Variants in PPIL2 observed in about 807,000 individuals in gnomAD.
PPIL2 encodes the protein RING-type E3 ubiquitin-protein ligase PPIL2.
PPIL2 carries 50 observed loss-of-function variants against 75.2 expected under a neutral mutation model. The ratio of observed to expected loss-of-function variants is 0.66; its 90% CI spans 0.53 to 0.84. PPIL2 has a LOEUF of 0.84. Among genes scored for constraint, PPIL2 ranks in the 40% least tolerant of loss-of-function variants. PPIL2 has a pLI of 0.00. For synonymous variants in PPIL2, 245 were observed against 258.8 expected, an observed-to-expected ratio of 0.95 and a Z score of 0.51; for missense variants, 590 against 685.0, an observed-to-expected ratio of 0.86 and a Z score of 1.55.
Position 21,669,910 on chromosome 22 carries a change from C to A in PPIL2, c.33-3C>A. ...GGTAGCATTATCTTCCTCTCTTCTT[C>A]AGGTACATTACCTGTGCTGAATACA... is the stretch of plus-strand genomic sequence containing the variant. On this transcript the variant is annotated splice_polypyrimidine_tract_variant and splice_region_variant and intron_variant, in intron 1 of 19. Transcript: ENST00000398831. 6.2e-7 allele frequency: 1 copy of A among 1,613,546 alleles called. No homozygotes were observed. Among genetic ancestry groups the A allele is most frequent in the Non-Finnish European group, 8.5e-7 (1 of 1,179,424 alleles).
At chr22:21,676,309 TTGTGTGTG>T (rs61112126) in intron 6 of PPIL2, among the ~76,000 whole-genome samples, 8 of 123,064 alleles carry the variant, frequency 6.5e-5, no homozygotes, top group East Asian at 4.3e-4. Context: ...TTTATTTATT[TTGTGTGTG>T]TGTGTGTGTG....
intron 1 of PPIL2, among the ~76,000 whole-genome samples, chr22:21,666,478 G>A (rs2066385869): frequency 6.6e-6 from 1 of 152,114 alleles, no homozygotes; most frequent in Admixed American, 6.5e-5. Context: ...TCTGGTTCAT[G>A]CCTATCAGCC....
chr22:21,684,568 T>TGGAC (rs1444271300), intron 9 of PPIL2, among the ~76,000 whole-genome samples, 185 bp from the exon 10 acceptor site: 8 of 151,732 alleles, frequency 5.3e-5, no homozygotes, highest in Non-Finnish European at 1.2e-4. Flanking sequence ...CCTGAGACCC[T>TGGAC]TGTGAACTGC....
rs533965549 is a variant in PPIL2, at chr22:21,692,311, C to T, written c.1140-1505C>T. Among the ~76,000 whole-genome samples the T allele has an allele frequency of 9.9e-5, 15 of 151,934 alleles. 1 individual carries two copies. In the East Asian group the frequency reaches 2.2e-3, roughly 22 times the overall value. On this transcript the variant is annotated intron_variant, in intron 15 of 19. Transcript: ENST00000398831. ...GCTGGGACTACAGGCGCCCGCCACA[C>T]GCCTGGCTAATTTTTTGTATTTTTA... is the stretch of plus-strand genomic sequence containing the variant.
intron 10 of PPIL2, chr22:21,685,521 A>C (rs1028701444): frequency 2.7e-6 from 1 of 371,474 alleles, no homozygotes; most frequent in Admixed American, 3.6e-5. Context: ...CTTCTTAAAG[A>C]ATTATTCAAA....
intron 5 of PPIL2, among the ~76,000 whole-genome samples, chr22:21,672,689 G>C (rs1457829202): frequency 9.2e-5 from 14 of 152,204 alleles, no homozygotes; most frequent in Admixed American, 9.2e-4. Flanking sequence ...ACATTCACAG[G>C]TTCCCAGTGA....
chr22:21,687,620 C>T, intron 12 of PPIL2, 23 bp from the exon 13 acceptor site: 1 of 948,170 alleles, frequency 1.1e-6, no homozygotes, highest in Non-Finnish European at 1.6e-6. Flanking sequence ...CTGCTTCATA[C>T]AAGTATTGGG....
intron 1 of PPIL2, among the ~76,000 whole-genome samples, chr22:21,667,367 G>C (rs1447167166): frequency 6.6e-6 from 1 of 151,928 alleles, no homozygotes; most frequent in Non-Finnish European, 1.5e-5. Flanking sequence ...TGTTGGTCAG[G>C]CTGGTCTCGA....
At chr22:21,682,051 C>A (rs764760830) in intron 7 of PPIL2, among the ~76,000 whole-genome samples, 1 of 152,236 alleles carries the variant, frequency 6.6e-6, no homozygotes, top group Non-Finnish European at 1.5e-5. Flanking sequence ...TCTGCTAGAC[C>A]GCACCGCAGG....
intron 12 of PPIL2, among the ~76,000 whole-genome samples, 163 bp downstream of exon 12, chr22:21,687,161 G>A (rs2067401682): frequency 6.6e-6 from 1 of 152,178 alleles, no homozygotes. Context: ...TTCCTAGGGG[G>A]CCGCGTTGGC....
chr22:21,684,391 G>C (rs1261102444), intron 9 of PPIL2, among the ~76,000 whole-genome samples: 2 of 137,956 alleles, frequency 1.4e-5, no homozygotes, highest in African/African-American at 2.8e-5. Context: ...GGCAGAACTT[G>C]CAGTGAGCCG....
At chr22:21,674,934 C>A in intron 5 of PPIL2, 130 bp from the exon 6 acceptor site, 1 of 790,058 alleles carries the variant, frequency 1.3e-6, no homozygotes, top group South Asian at 1.7e-5. Context: ...GGTCTTGGGG[C>A]CTTCCCTTTT....
Position 21,695,034 on chromosome 22 carries a change from G to T in PPIL2, c.1430G>T (p.Arg477Leu). Residue 477 changes from arginine to leucine, a missense_variant, in exon 19 of 20, where the codon CGC (arginine) becomes CTC (leucine). Transcript: ENST00000398831. ...QAGSQGPQTF[R>L]QGVGKYINPA... is the part of the protein sequence containing the mutation. The stretch of plus-strand genomic sequence containing the variant: ...GGGAGCCAGGGCCCCCAGACCTTCC[G>T]CCAGGGCGTGGGCAAGTACATCAAC... 6.2e-7 allele frequency: 1 copy of T among 1,611,850 alleles called. No individual in the cohort carries two copies. The highest frequency in any genetic ancestry group is 1.7e-5 in the Admixed American group (1 of 59,974).
chr22:21,695,644 A>T lies in PPIL2; in HGVS notation c.*154A>T. ...CCCCTTTCCTGGCCCCTGGGAGCCC[A>T]CAGCCTTCCCATCCCTTAACCTGTT... is the stretch of plus-strand genomic sequence containing the variant. On this transcript the variant is annotated 3_prime_UTR_variant, in exon 20 of 20. Coordinates refer to ENST00000398831, the MANE Select transcript of PPIL2 (RefSeq NM_014337.4). 1 of 1,457,492 alleles carries T rather than the reference A, an allele frequency of 6.9e-7. No individual in the cohort carries two copies. 90.3% of individuals were successfully genotyped at this position (1,457,492 alleles called of 1,614,324 possible).
Position 21,696,850 on chromosome 22 carries a change from T to C in PPIL2, c.*1360T>C. 1 of 1,577,164 alleles carries C rather than the reference T, an allele frequency of 6.3e-7. No homozygotes were observed. The highest frequency in any genetic ancestry group is 1.3e-5 in the African/African-American group (1 of 74,094). ...TCCCTGGATGCTGGGTGGCGCCTCATCTGCATCTCTGCCTCACCCCATCCA... is the reference window on the plus strand; with the variant it reads ...TCCCTGGATGCTGGGTGGCGCCTCACCTGCATCTCTGCCTCACCCCATCCA... On this transcript the variant is annotated 3_prime_UTR_variant, in exon 20 of 20. Transcript: ENST00000398831.
intron 15 of PPIL2, among the ~76,000 whole-genome samples, chr22:21,692,203 T>C (rs994718066): frequency 6.6e-6 from 1 of 151,778 alleles, no homozygotes; most frequent in African/African-American, 2.4e-5. Flanking sequence ...TCCCCCAGGC[T>C]GGAGTGCAGC....
At chr22:21,670,068 A>G (rs2066572369) in intron 2 of PPIL2, 106 bp downstream of exon 2, 1 of 1,203,294 alleles carries the variant, frequency 8.3e-7, no homozygotes, top group South Asian at 1.2e-5. Context: ...CACGGAAACT[A>G]TGGTAGACGA....
intron 4 of PPIL2, 62 bp from the exon 5 acceptor site, chr22:21,672,268 G>A (rs1365547497): frequency 1.4e-6 from 2 of 1,443,578 alleles, no homozygotes; most frequent in Non-Finnish European, 1.9e-6. Context: ...CAAGACCACA[G>A]TGTTGTTACC....
intron 7 of PPIL2, among the ~76,000 whole-genome samples, chr22:21,682,057 G>A (rs7364213): frequency 0.066 from 10,120 of 152,324 alleles, 1,116 homozygotes; most frequent in African/African-American, 0.23. Flanking sequence ...AGACCGCACC[G>A]CAGGAGTGCA....
Sources: gnomAD v4.1 joint callset for allele counts (sites outside exome capture counted in the v4.1 genomes callset) on GRCh38, gnomAD v4.1.1 for gene constraint, MANE v1.5 for transcripts, NCBI Gene and HGNC (gene_info 2026-07-23, HGNC 2026-07-21) for gene names.